PREPL: variants seen among roughly 807,000 people sequenced by gnomAD.
The protein encoded by PREPL is prolyl endopeptidase-like.
PREPL carries 77 observed loss-of-function variants against 70.6 expected under a neutral mutation model. The ratio of observed to expected loss-of-function variants is 1.09; its 90% CI spans 0.91 to 1.32. The LOEUF (loss-of-function observed/expected upper bound fraction) is 1.32. Among genes scored for constraint, PREPL ranks in the 40% most tolerant of loss-of-function variants. PREPL has a pLI of 0.00. For synonymous variants in PREPL, 315 were observed against 264.8 expected (o/e 1.19, Z -1.84); for missense variants, 1,002 against 778.2 (o/e 1.29, Z -3.42).
At chr2:44,321,686 T>TC in intron 13 of PREPL, 141 bp downstream of exon 13, 1 of 1,561,996 alleles carries the variant, frequency 6.4e-7, no homozygotes, top group Non-Finnish European at 8.7e-7. Context: ...ACAGTGTCCC[T>TC]CCCTCCCCTC....
chr2:44,324,207 G>A lies in PREPL; in HGVS notation c.1480-796C>T, dbSNP rs116713663. ...AAATTTTGTATGACTCCACCTATGTGAGGTGTTTGAGTAGTCAAATTCACA... is the reference window on the plus strand; with the variant it reads ...AAATTTTGTATGACTCCACCTATGTAAGGTGTTTGAGTAGTCAAATTCACA... On this transcript the variant is annotated intron_variant, in intron 10 of 13. Coordinates refer to ENST00000409411, the MANE Select transcript of PREPL (RefSeq NM_001171613.2). Among the ~76,000 whole-genome samples the A allele has an allele frequency of 9.0e-4, 137 of 152,340 alleles. 1 individual carries two copies. The highest frequency in any genetic ancestry group is 3.0e-3 in the African/African-American group (124 of 41,594).
At chr2:44,331,720 C>T (rs923680976) in intron 8 of PREPL, among the ~76,000 whole-genome samples, 2 of 152,138 alleles carry the variant, frequency 1.3e-5, no homozygotes, top group African/African-American at 4.8e-5. Flanking sequence ...TCCTTTGCAG[C>T]AGTCAGTACA....
intron 1 of PREPL, among the ~76,000 whole-genome samples, chr2:44,353,348 C>A (rs995329605): frequency 6.6e-6 from 1 of 151,978 alleles, no homozygotes; most frequent in African/African-American, 2.4e-5. Flanking sequence ...CTTTGGGAGG[C>A]CAAGTTGGGC....
chr2:44,357,879 AAAG>A (rs1462801686), intron 1 of PREPL, among the ~76,000 whole-genome samples: 4 of 152,244 alleles, frequency 2.6e-5, no homozygotes, highest in East Asian at 1.9e-4. Flanking sequence ...AATGAAATAA[AAAG>A]AAGTTATAAA....
intron 1 of PREPL, among the ~76,000 whole-genome samples, chr2:44,353,746 A>G (rs1440622479): frequency 1.3e-5 from 2 of 152,238 alleles, no homozygotes; most frequent in Non-Finnish European, 2.9e-5. Flanking sequence ...AAAGGACACC[A>G]AGACAATTCA....
chr2:44,318,487 T>C lies in PREPL; in HGVS notation c.*2869A>G, dbSNP rs143390867. 201 of 167,452 alleles carry C rather than the reference T, an allele frequency of 1.2e-3. 1 individual carries two copies. The highest frequency in any genetic ancestry group is 4.3e-3 in the African/African-American group (180 of 41,684). 10.4% of individuals were successfully genotyped at this position (167,452 alleles called of 1,614,324 possible). On this transcript the variant is annotated 3_prime_UTR_variant, in exon 14 of 14. Coordinates refer to ENST00000409411, the MANE Select transcript of PREPL (RefSeq NM_001171613.2). ...CAACTATGGGCCCAGTATGCAGCTTTTAAAAATGACAGTTCTATATACATT... is the reference window on the plus strand; with the variant it reads ...CAACTATGGGCCCAGTATGCAGCTTCTAAAAATGACAGTTCTATATACATT...
intron 11 of PREPL, 110 bp downstream of exon 11, chr2:44,323,152 T>G: frequency 1.8e-6 from 2 of 1,115,410 alleles, no homozygotes. Context: ...TTGGGCATCA[T>G]AAGTAGAAAC....
intron 1 of PREPL, among the ~76,000 whole-genome samples, chr2:44,346,980 T>C (rs1238299868): frequency 1.3e-5 from 2 of 152,178 alleles, no homozygotes; most frequent in Non-Finnish European, 2.9e-5. Context: ...CCAAGGGATA[T>C]AATTTTCTTT....
At chr2:44,353,969 C>T (rs943743558) in intron 1 of PREPL, among the ~76,000 whole-genome samples, 5 of 152,094 alleles carry the variant, frequency 3.3e-5, no homozygotes, top group Admixed American at 6.6e-5. Flanking sequence ...GAGACAAGCC[C>T]GCACAACAAA....
At chr2:44,339,632 T>G (rs1675000018) in intron 5 of PREPL, among the ~76,000 whole-genome samples, 1 of 152,218 alleles carries the variant, frequency 6.6e-6, no homozygotes, top group Non-Finnish European at 1.5e-5. Context: ...AAAACCATCT[T>G]GATTCCATCA....
At position 44,346,233 on chromosome 2, in the gene PREPL, C is replaced by A. The variant is rs745539331; in HGVS notation, c.75+35G>T. ...TCATTTGCATCTTGATTGGTAATAT[C>A]AAAAATTTTTTTTTAAAGACATGAG... On this transcript the variant is annotated intron_variant, in intron 2 of 13. Coordinates refer to ENST00000409411, the MANE Select transcript of PREPL (RefSeq NM_001171613.2). 37 of 1,574,756 alleles carry A rather than the reference C, an allele frequency of 2.3e-5. No homozygotes were observed. In the Admixed American group the frequency reaches 6.2e-4, roughly 26 times the overall value.
In PREPL at chr2:44,338,530, T is replaced by G. The variant is rs1239168091; in HGVS notation, c.709A>C (p.Arg237=). Residue 237 remains arginine, a synonymous_variant, in exon 7 of 14, where the codon AGA becomes CGA. Coordinates refer to ENST00000409411, the MANE Select transcript of PREPL (RefSeq NM_001171613.2). The stretch of plus-strand genomic sequence containing the variant: ...ATTGCAGGGGTATCAGCCGCTGTTC[T>G]CATTAGCTACGTGGAACAAAGTTAG... ...VGEPTEFKLM[R]TAADTPAIMN... is the part of the protein sequence containing the mutation. 3.1e-6 allele frequency: 5 copies of G among 1,603,568 alleles called. No individual in the cohort carries two copies. Among genetic ancestry groups the G allele is most frequent in the Non-Finnish European group, 3.4e-6 (4 of 1,177,426 alleles).
At position 44,326,287 on chromosome 2, in the gene PREPL, G is replaced by A. The variant is rs558682623; in HGVS notation, c.1479+425C>T. 5.3e-5 allele frequency among the ~76,000 whole-genome samples: 8 copies of A among 152,110 alleles called. No individual in the cohort carries two copies. The South Asian group carries it at 1.7e-3, about 32-fold the overall frequency. ...TAATAGTTGGATTAAAATAACTTTA[G>A]AAGTTCTCCTCAAGCTATAATTCTG... On this transcript the variant is annotated intron_variant, in intron 10 of 13. Coordinates refer to ENST00000409411, the MANE Select transcript of PREPL (RefSeq NM_001171613.2).
intron 1 of PREPL, among the ~76,000 whole-genome samples, chr2:44,348,516 G>T (rs892074801): frequency 1.3e-5 from 2 of 152,136 alleles, no homozygotes; most frequent in African/African-American, 4.8e-5. Flanking sequence ...CACATTCTAG[G>T]TCATGGAGCT....
intron 1 of PREPL, among the ~76,000 whole-genome samples, chr2:44,356,541 TCTCAAACA>T (rs1558522845): frequency 3.2e-4 from 31 of 96,634 alleles, no homozygotes; most frequent in Non-Finnish European, 2.3e-5. Context: ...CAAGACTCCG[TCTCAAACA>T]AACAAACAAA....
rs927849006 is a variant in PREPL, at chr2:44,319,947, A to G, written c.*1409T>C. On this transcript the variant is annotated 3_prime_UTR_variant, in exon 14 of 14. Transcript: ENST00000409411. ...GTGGAGTCAAATTTGATCTCTACAG[A>G]AACTCTACAATGTAGCAGAGCACTG... The G allele has an allele frequency of 5.3e-5, 25 of 467,926 alleles. No individual in the cohort carries two copies. In the South Asian group the frequency reaches 5.7e-4, roughly 11 times the overall value. The allele number at this position is 467,926 out of a possible 1,614,324, so 29.0% of individuals were successfully genotyped here.
intron 1 of PREPL, among the ~76,000 whole-genome samples, chr2:44,354,447 T>A (rs1030942873): frequency 2.0e-5 from 3 of 152,176 alleles, no homozygotes; most frequent in African/African-American, 4.8e-5. Context: ...GAGGTAAATA[T>A]AGTGATTTGA....
chr2:44,319,392 G>A lies in PREPL; in HGVS notation c.*1964C>T, dbSNP rs983236085. On this transcript the variant is annotated 3_prime_UTR_variant, in exon 14 of 14. Coordinates refer to ENST00000409411, the MANE Select transcript of PREPL (RefSeq NM_001171613.2). ...TATCTTAAGTAATACAAAAATGGGG[G>A]GAGGGGAATAAAAATACAAAATATT... 1.3e-5 allele frequency: 2 copies of A among 152,506 alleles called. No homozygotes were observed. Among genetic ancestry groups the A allele is most frequent in the East Asian group, 3.9e-4 (2 of 5,194 alleles). The allele number at this position is 152,506 out of a possible 1,614,324, so 9.4% of individuals were successfully genotyped here. A position where few individuals can be genotyped will look rare whatever the true frequency, so the allele number is the denominator to read the frequency against.
chr2:44,329,121 G>C lies in PREPL; in HGVS notation c.1087-9C>G, dbSNP rs755166149. 5 of 1,575,140 alleles carry C rather than the reference G, an allele frequency of 3.2e-6. No individual in the cohort carries two copies. Among genetic ancestry groups the C allele is most frequent in the Non-Finnish European group, 4.4e-6 (5 of 1,147,758 alleles). ...GGCACTAATTTTCCATCCTAGAAAT[G>C]AAGAATTACTATGTATGTAAAGAAG... On this transcript the variant is annotated splice_polypyrimidine_tract_variant and intron_variant, in intron 8 of 13. Transcript: ENST00000409411.
Sources: allele counts gnomAD v4.1 joint callset (sites outside exome capture counted in the v4.1 genomes callset), GRCh38; gene constraint gnomAD v4.1.1; transcripts MANE v1.5; gene names NCBI Gene and HGNC (gene_info 2026-07-23, HGNC 2026-07-21).